TRIM51: variants seen among roughly 807,000 people sequenced by gnomAD.
TRIM51 encodes tripartite motif-containing 51.
A neutral mutation model predicts 32.7 loss-of-function variants in TRIM51; 23 were observed. That is an observed-to-expected ratio of 0.70 (90% confidence interval 0.51 to 1.00). TRIM51 has a LOEUF of 1.00. Among genes scored for constraint, TRIM51 ranks in the 50% least tolerant of loss-of-function variants. The pLI, the probability that TRIM51 is intolerant of heterozygous loss-of-function variation, is 0.00. For synonymous variants in TRIM51, 177 were observed against 181.9 expected (o/e 0.97, Z 0.22); for missense variants, 592 against 539.2 (o/e 1.10, Z -0.97).
At position 55,891,506 on chromosome 11, in the gene TRIM51, A is replaced by G; in HGVS notation, c.1233A>G (p.Leu411=). The G allele has an allele frequency of 6.2e-7, 1 of 1,613,592 alleles. No individual in the cohort carries two copies. Among genetic ancestry groups the G allele is most frequent in the South Asian group, 1.1e-5 (1 of 91,078 alleles). The part of the protein sequence containing the change: ...YVPRPTSTVG[L]FLDCEGRTVS... ...CAAGACCTACCAGCACAGTAGGATT[A>G]TTCCTGGATTGTGAAGGTAGAACCG... The change falls in exon 7 of 7, where the codon TTA becomes TTG. Residue 411 remains leucine (L), a synonymous_variant. Transcript: ENST00000449290.
Position 55,885,656 on chromosome 11 carries a change from T to C in TRIM51, c.228T>C (p.Ile76=). 1 of 1,610,788 alleles carries C rather than the reference T, an allele frequency of 6.2e-7. No homozygotes were observed. The highest frequency in any genetic ancestry group is 1.7e-5 in the Admixed American group (1 of 59,748). Reference sequence around the variant, plus strand: ...TTTGTTTGAAGAACATGGCTTTCATTGCCAGAAAAGCCAGCCTCCGGCAAT... The same window carrying C: ...TTTGTTTGAAGAACATGGCTTTCATCGCCAGAAAAGCCAGCCTCCGGCAAT... ...TDICLKNMAF[I]ARKASLRQFL... Residue 76 remains isoleucine, a synonymous_variant, in exon 2 of 7, where the codon ATT becomes ATC. Transcript: ENST00000449290.
At chr11:55,884,323 G>A (rs574574965) in intron 1 of TRIM51, among the ~76,000 whole-genome samples, 47 of 151,126 alleles carry the variant, frequency 3.1e-4, no homozygotes, top group African/African-American at 9.5e-4. Context: ...AAACAATAAC[G>A]AGACTGTCTA....
rs756583153 is a variant in TRIM51 at position 55,891,441 on chromosome 11, A to T, written c.1168A>T (p.Ser390Cys). ...LGCVKEDTHCSLFTTSPLVVQ... is the reference protein window; with the variant it reads ...LGCVKEDTHCCLFTTSPLVVQ... ...ATGTGTTAAGGAGGACACTCACTGC[A>T]GTCTCTTTACCACCTCCCCACTTGT... Residue 390 changes from serine to cysteine, a missense_variant, in exon 7 of 7, where the codon AGT (serine) becomes TGT (cysteine). Transcript: ENST00000449290. 10 of 1,613,014 alleles carry T rather than the reference A, an allele frequency of 6.2e-6. No homozygotes were observed. The South Asian group carries it at 9.9e-5, about 16-fold the overall frequency.
intron 3 of TRIM51, 134 bp downstream of exon 3, chr11:55,886,352 A>G (rs1182782370): frequency 2.8e-6 from 2 of 715,302 alleles, no homozygotes; most frequent in Non-Finnish European, 2.4e-6. Flanking sequence ...TGAGAAAAAA[A>G]CACCCTAATT....
chr11:55,888,022 G>C lies in TRIM51; in HGVS notation c.508-10G>C, dbSNP rs1486337820. The C allele has an allele frequency of 6.5e-7, 1 of 1,532,476 alleles. No homozygotes were observed. The highest frequency in any genetic ancestry group is 1.4e-5 in the African/African-American group (1 of 73,284). The allele number at this position is 1,532,476 out of a possible 1,614,324, so 94.9% of individuals were successfully genotyped here. ...TAAAACATTTCTATTTTGACTAATT[G>C]TCACTGCAGGATTATGTGAGTTTAA... On this transcript the variant is annotated splice_polypyrimidine_tract_variant and intron_variant, in intron 3 of 6. Transcript: ENST00000449290.
Position 55,885,570 on chromosome 11 carries a change from G to C in TRIM51, c.142G>C (p.Val48Leu). The C allele has an allele frequency of 6.2e-7, 1 of 1,611,916 alleles. No individual in the cohort carries two copies. Among genetic ancestry groups the C allele is most frequent in the South Asian group, 1.1e-5 (1 of 90,996 alleles). ...CLYLNWQDTA[V>L]LAQCSECKKT... ...GTACCTCAACTGGCAAGACACGGCA[G>C]TTCTTGCTCAGTGCTCTGAATGCAA... Residue 48 changes from valine to leucine, a missense_variant, in exon 2 of 7, where the codon GTT (valine) becomes CTT (leucine). Val to Leu is a conservative substitution (Grantham distance 32, BLOSUM62 1). Transcript: ENST00000449290.
intron 3 of TRIM51, among the ~76,000 whole-genome samples, chr11:55,886,497 T>C (rs572558692): frequency 6.6e-6 from 1 of 152,268 alleles, no homozygotes; most frequent in East Asian, 1.9e-4. Context: ...CACTTCACAC[T>C]CTTCCCAATG....
Position 55,886,230 on chromosome 11 carries a change from A to G in TRIM51, c.507+12A>G. On this transcript the variant is annotated intron_variant, in intron 3 of 6. Transcript: ENST00000449290. ...CCAGATGCTGGAAGGTTAGTACCGT[A>G]TGACTCTACCTTCTCCGGGAACTTA... is the stretch of plus-strand genomic sequence containing the variant. 1 of 1,602,558 alleles carries G rather than the reference A, an allele frequency of 6.2e-7. No homozygotes were observed. The highest frequency in any genetic ancestry group is 8.5e-7 in the Non-Finnish European group (1 of 1,169,776).
At chr11:55,887,635 T>A (rs180741550) in intron 3 of TRIM51, among the ~76,000 whole-genome samples, 236 of 152,200 alleles carry the variant, frequency 1.6e-3, no homozygotes, top group African/African-American at 5.3e-3. Context: ...CTAGTCTGGG[T>A]CATGTCATCA....
Position 55,885,521 on chromosome 11 carries a change from G to A in TRIM51, c.93G>A (p.Gly31=), listed in dbSNP as rs1392763553. 1 of 1,612,072 alleles carries A rather than the reference G, an allele frequency of 6.2e-7. No homozygotes were observed. The highest frequency in any genetic ancestry group is 8.5e-7 in the Non-Finnish European group (1 of 1,179,760). The part of the protein sequence containing the change: ...YFLDPVTIDC[G]HSFCRPCLYL... ...TAGACCCAGTCACCATAGACTGTGG[G>A]CACAGCTTTTGCCGGCCCTGTTTGT... Residue 31 remains glycine, a synonymous_variant, in exon 2 of 7, where the codon GGG becomes GGA. Coordinates refer to ENST00000449290, the MANE Select transcript of TRIM51 (RefSeq NM_032681.4).
At chr11:55,884,171 A>AC (rs1854544608) in intron 1 of TRIM51, among the ~76,000 whole-genome samples, 1 of 122,826 alleles carries the variant, frequency 8.1e-6, no homozygotes, top group African/African-American at 3.1e-5. Flanking sequence ...ATATATATAT[A>AC]TATATATATA....
In TRIM51 at chr11:55,885,615, A is replaced by C; in HGVS notation, c.187A>C (p.Asn63His). 5.6e-6 allele frequency: 9 copies of C among 1,611,272 alleles called. No homozygotes were observed. The highest frequency in any genetic ancestry group is 7.6e-6 in the Non-Finnish European group (9 of 1,179,430). ...ATGCAAGAAGACAACGCGGCAGAGA[A>C]ACCTCAACACTGACATTTGTTTGAA... ...SECKKTTRQR[N>H]LNTDICLKNM... The change falls in exon 2 of 7, where the codon AAC (asparagine) becomes CAC (histidine). Residue 63 changes from asparagine to histidine, a missense_variant. Coordinates refer to ENST00000449290, the MANE Select transcript of TRIM51 (RefSeq NM_032681.4).
chr11:55,886,437 G>A (rs1854579829), intron 3 of TRIM51, among the ~76,000 whole-genome samples: 1 of 152,154 alleles, frequency 6.6e-6, no homozygotes, highest in African/African-American at 2.4e-5. Flanking sequence ...ATGCTCATCT[G>A]TTTCCATACA....
intron 4 of TRIM51, 33 bp from the exon 5 acceptor site, chr11:55,888,946 G>A (rs769740963): frequency 1.2e-6 from 2 of 1,604,430 alleles, no homozygotes; most frequent in East Asian, 4.5e-5. Flanking sequence ...CTTGTGGAAA[G>A]CGCTAAGCCT....
chr11:55,886,101 T>G (rs1322445293), intron 2 of TRIM51, 22 bp from the exon 3 acceptor site: 1 of 1,606,074 alleles, frequency 6.2e-7, no homozygotes, highest in African/African-American at 1.3e-5. Context: ...CACTTGTGCT[T>G]CAATTCGTGG....
chr11:55,886,873 G>A (rs553473778), intron 3 of TRIM51, among the ~76,000 whole-genome samples: 3 of 152,246 alleles, frequency 2.0e-5, no homozygotes, highest in East Asian at 1.9e-4. Context: ...TGTTTATATT[G>A]AGGGTATGAT....
At position 55,885,939 on chromosome 11, in the gene TRIM51, T is replaced by A. The variant is rs1028091389; in HGVS notation, c.411+100T>A. 1.3e-4 allele frequency: 206 copies of A among 1,577,408 alleles called. No homozygotes were observed. The African/African-American group carries it at 2.5e-3, about 19-fold the overall frequency. On this transcript the variant is annotated intron_variant, in intron 2 of 6. Coordinates refer to ENST00000449290, the MANE Select transcript of TRIM51 (RefSeq NM_032681.4). ...GGATGATGCCATCTCTGTGTCCCCTTAAGCATGTCTGTTATGAGCTTCCTT... is the reference window on the plus strand; with the variant it reads ...GGATGATGCCATCTCTGTGTCCCCTAAAGCATGTCTGTTATGAGCTTCCTT...
In TRIM51 at chr11:55,884,182, T is replaced by TACATATATAC. The variant is rs1854546059; in HGVS notation, c.-5+801_-5+802insTATATACACA. On this transcript the variant is annotated intron_variant, in intron 1 of 6. Transcript: ENST00000449290. ...CTATATATATATATATATATATATATACACATACCAAAAATACTTACAATT... is the reference window on the plus strand; with the variant it reads ...CTATATATATATATATATATATATATACATATATACACACATACCAAAAATACTTACAATT... Among the ~76,000 whole-genome samples the TACATATATAC allele has an allele frequency of 1.8e-5, 2 of 110,286 alleles. 1 individual carries two copies. The highest frequency in any genetic ancestry group is 3.7e-5 in the Non-Finnish European group (2 of 53,718). 72.4% of individuals were successfully genotyped at this position (110,286 alleles called of 152,430 possible). A position where few individuals can be genotyped will look rare whatever the true frequency, so the allele number is the denominator to read the frequency against.
At chr11:55,886,017 C>T (rs201247304) in intron 2 of TRIM51, 106 bp from the exon 3 acceptor site, 8 of 1,482,524 alleles carry the variant, frequency 5.4e-6, no homozygotes, top group Admixed American at 2.2e-5. Flanking sequence ...AGCAAACTCT[C>T]TTTTCTGTGG....
Sources: gnomAD v4.1 joint callset for allele counts (sites outside exome capture counted in the v4.1 genomes callset) on GRCh38, gnomAD v4.1.1 for gene constraint, MANE v1.5 for transcripts, NCBI Gene and HGNC (gene_info 2026-07-23, HGNC 2026-07-21) for gene names.